The following HTR1F variants were observed in gnomAD, a reference collection of about 807,000 sequenced individuals.
The protein encoded by HTR1F is 5-hydroxytryptamine receptor 1F.
Under a neutral mutation model 24.0 loss-of-function variants are expected in HTR1F, and 17 were observed. That is an observed-to-expected ratio of 0.71 (90% CI 0.48 to 1.06). HTR1F has a LOEUF of 1.06. Among genes scored for constraint, HTR1F ranks in the 50% least tolerant of loss-of-function variants. The probability of loss-of-function intolerance (pLI) is 0.00; values close to 1 mark genes in which losing one functional copy is unlikely to be tolerated. For synonymous variants in HTR1F, 186 were observed against 156.8 expected (o/e 1.19, Z -1.39); for missense variants, 391 against 427.8 (o/e 0.91, Z 0.76).
intron 1 of HTR1F, among the ~76,000 whole-genome samples, chr3:87,813,949 C>T (rs1206183289): frequency 1.3e-5 from 2 of 151,984 alleles, no homozygotes; most frequent in Non-Finnish European, 2.9e-5. Context: ...AACAAATTAC[C>T]CAGTCTTGTG....
At chr3:87,974,664 T>G (rs1386090616) in intron 2 of HTR1F, among the ~76,000 whole-genome samples, 1 of 152,230 alleles carries the variant, frequency 6.6e-6, no homozygotes, top group African/African-American at 2.4e-5. Flanking sequence ...GGCATATTCA[T>G]TTTTATATCC....
chr3:87,860,191 T>G (rs999782663), intron 2 of HTR1F, among the ~76,000 whole-genome samples: 2 of 152,216 alleles, frequency 1.3e-5, no homozygotes, highest in Non-Finnish European at 2.9e-5. Flanking sequence ...ATATGCATTT[T>G]TAACGTGGAA....
chr3:87,873,133 C>CACACACACACACAGAGAG (rs370152361), intron 2 of HTR1F, among the ~76,000 whole-genome samples: 1 of 130,186 alleles, frequency 7.7e-6, no homozygotes, highest in African/African-American at 2.6e-5. Flanking sequence ...CACACACACA[C>CACACACACACACAGAGAG]AGAGAGATTT....
intron 1 of HTR1F, among the ~76,000 whole-genome samples, chr3:87,811,689 C>T (rs1466606683): frequency 2.0e-5 from 3 of 152,020 alleles, no homozygotes; most frequent in Non-Finnish European, 4.4e-5. Flanking sequence ...TAAATATTCC[C>T]AACATGATCA....
At chr3:87,924,641 A>G (rs377255642) in intron 2 of HTR1F, among the ~76,000 whole-genome samples, 17 of 152,128 alleles carry the variant, frequency 1.1e-4, no homozygotes, top group African/African-American at 4.1e-4. Context: ...ATTGCTGGGT[A>G]CACTATTCTT....
chr3:87,979,400 T>A (rs373994281), intron 2 of HTR1F, among the ~76,000 whole-genome samples: 1 of 152,060 alleles, frequency 6.6e-6, no homozygotes, highest in Non-Finnish European at 1.5e-5. Context: ...GTCCTCTGTG[T>A]CCTAAGTCCG....
chr3:87,948,410 T>A (rs1205188593), intron 2 of HTR1F, among the ~76,000 whole-genome samples: 2 of 152,222 alleles, frequency 1.3e-5, no homozygotes, highest in Non-Finnish European at 2.9e-5. Context: ...AACATTTATT[T>A]ATGCATAAAT....
At chr3:87,945,448 G>A (rs1239923612) in intron 2 of HTR1F, among the ~76,000 whole-genome samples, 4 of 152,198 alleles carry the variant, frequency 2.6e-5, no homozygotes, top group Non-Finnish European at 5.9e-5. Context: ...AGAAAGTCGT[G>A]TTTGGGACCC....
chr3:87,889,017 C>G (rs76536752), intron 2 of HTR1F, among the ~76,000 whole-genome samples: 1 of 152,010 alleles, frequency 6.6e-6, no homozygotes, highest in Non-Finnish European at 1.5e-5. Context: ...TAGATTAATG[C>G]TCTTCCTGGT....
At chr3:87,899,589 G>C (rs1055694618) in intron 2 of HTR1F, among the ~76,000 whole-genome samples, 1 of 152,090 alleles carries the variant, frequency 6.6e-6, no homozygotes, top group Non-Finnish European at 1.5e-5. Flanking sequence ...ATCATGGCCG[G>C]GTGCGGTGAC....
intron 2 of HTR1F, among the ~76,000 whole-genome samples, chr3:87,983,721 T>G (rs1158901131): frequency 6.6e-6 from 1 of 152,200 alleles, no homozygotes; most frequent in East Asian, 1.9e-4. Context: ...CTGAATAAAT[T>G]GAATTATCTT....
In HTR1F at chr3:87,822,083, G is replaced by A. The variant is rs1704370795; in HGVS notation, c.-84G>A. On this transcript the variant is annotated 5_prime_UTR_variant, in exon 2 of 3. Transcript: ENST00000319595. ...CAAAAGAACAGGAACATGAGGAGAC[G>A]AAATGGTGATGAAAACCCACAATTC... is the stretch of plus-strand genomic sequence containing the variant. Among the ~76,000 whole-genome samples the A allele has an allele frequency of 6.6e-6, 1 of 151,940 alleles. No homozygotes were observed. The highest frequency in any genetic ancestry group is 1.5e-5 in the Non-Finnish European group (1 of 68,014).
At chr3:87,913,057 A>C (rs1157672880) in intron 2 of HTR1F, among the ~76,000 whole-genome samples, 2 of 152,110 alleles carry the variant, frequency 1.3e-5, no homozygotes, top group Admixed American at 1.3e-4. Flanking sequence ...AGACCTCAAA[A>C]CAACTGCAAC....
intron 1 of HTR1F, among the ~76,000 whole-genome samples, chr3:87,795,681 T>C (rs1304324885): frequency 2.0e-5 from 3 of 152,158 alleles, no homozygotes; most frequent in Non-Finnish European, 4.4e-5. Context: ...AAACCTTACT[T>C]TTCCATTCCC....
chr3:87,890,422 T>A (rs185702438), intron 2 of HTR1F, among the ~76,000 whole-genome samples: 315 of 152,282 alleles, frequency 2.1e-3, no homozygotes, highest in Middle Eastern at 0.014. Context: ...GAGATTAAGG[T>A]TCTAAGAGGT....
At chr3:87,927,050 G>A (rs1005015153) in intron 2 of HTR1F, among the ~76,000 whole-genome samples, 23 of 152,048 alleles carry the variant, frequency 1.5e-4, no homozygotes, top group African/African-American at 5.1e-4. Flanking sequence ...ACAGGGGAGT[G>A]GTGGAAAGCC....
At chr3:87,893,139 C>T (rs1278977622) in intron 2 of HTR1F, among the ~76,000 whole-genome samples, 1 of 151,900 alleles carries the variant, frequency 6.6e-6, no homozygotes, top group African/African-American at 2.4e-5. Flanking sequence ...ATTTCTAGTC[C>T]AGTGACAGTA....
At chr3:87,901,350 G>A (rs1168505668) in intron 2 of HTR1F, among the ~76,000 whole-genome samples, 1 of 151,968 alleles carries the variant, frequency 6.6e-6, no homozygotes, top group Non-Finnish European at 1.5e-5. Flanking sequence ...GAAGAGATTA[G>A]GACACCAACA....
chr3:87,849,266 A>T (rs9683302), intron 2 of HTR1F, among the ~76,000 whole-genome samples: 23,621 of 151,686 alleles, frequency 0.16, 2,218 homozygotes, highest in African/African-American at 0.24. Context: ...AGAGATATAG[A>T]TCAATGCAAC....
Sources: allele counts gnomAD v4.1 joint callset (sites outside exome capture counted in the v4.1 genomes callset), GRCh38; gene constraint gnomAD v4.1.1; transcripts MANE v1.5; gene names NCBI Gene and HGNC (gene_info 2026-07-23, HGNC 2026-07-21).